TSHZ2: variants seen among roughly 807,000 people sequenced by gnomAD.
TSHZ2 encodes the protein teashirt zinc finger homeobox 2.
In TSHZ2, 21 loss-of-function variants were observed where a neutral mutation model predicts 74.4. That is an observed-to-expected ratio of 0.28 (90% CI 0.20 to 0.41). The LOEUF is 0.41. Among genes scored for constraint, TSHZ2 ranks in the 10% least tolerant of loss-of-function variants. TSHZ2 has a pLI of 1.00. For missense variants in TSHZ2, 1,244 were observed against 1,293.5 expected (o/e 0.96, Z 0.59); for synonymous variants, 540 against 515.3 (o/e 1.05, Z -0.65).
intron 2 of TSHZ2, among the ~76,000 whole-genome samples, chr20:53,382,884 C>A (rs960802030): frequency 6.6e-6 from 1 of 152,118 alleles, no homozygotes; most frequent in African/African-American, 2.4e-5. Context: ...TTGGCCAAGT[C>A]ACTGCTCCTC....
rs561103717 is a variant in TSHZ2 at position 53,170,568 on chromosome 20, G to A, written c.41-82931G>A. Reference sequence around the variant, plus strand: ...TGTCCTGGGCACTGTACACTGTTGAGCAGCATCCCCGGCCTCCACCCACTG... The same window carrying A: ...TGTCCTGGGCACTGTACACTGTTGAACAGCATCCCCGGCCTCCACCCACTG... On this transcript the variant is annotated intron_variant, in intron 1 of 2. Transcript: ENST00000371497. Among the ~76,000 whole-genome samples the A allele has an allele frequency of 3.9e-5, 6 of 152,280 alleles. No homozygotes were observed. In the South Asian group the frequency reaches 1.2e-3, roughly 32 times the overall value.
At chr20:53,274,941 T>A (rs1201045688) in intron 2 of TSHZ2, among the ~76,000 whole-genome samples, 7 of 152,158 alleles carry the variant, frequency 4.6e-5, no homozygotes, top group Admixed American at 2.0e-4. Context: ...CCCCAAGAAT[T>A]CCCATAAGCT....
intron 2 of TSHZ2, among the ~76,000 whole-genome samples, chr20:53,381,051 G>T (rs1030176304): frequency 6.6e-6 from 1 of 152,146 alleles, no homozygotes. Context: ...CTGTGATTTT[G>T]TGTGACTCAC....
intron 1 of TSHZ2, among the ~76,000 whole-genome samples, chr20:53,210,757 C>A (rs1474401880): frequency 1.3e-5 from 2 of 152,046 alleles, no homozygotes; most frequent in Non-Finnish European, 2.9e-5. Flanking sequence ...CCTCTTCTAT[C>A]CAGTATTTCC....
intron 1 of TSHZ2, among the ~76,000 whole-genome samples, chr20:53,189,801 G>A (rs1988683286): frequency 6.6e-6 from 1 of 151,834 alleles, no homozygotes; most frequent in Non-Finnish European, 1.5e-5. Flanking sequence ...TTAAATGTCT[G>A]GGCCAGACAC....
chr20:52,975,514 TGTGTGGGG>T (rs1314061264), intron 1 of TSHZ2, among the ~76,000 whole-genome samples: 1 of 141,466 alleles, frequency 7.1e-6, no homozygotes, highest in Non-Finnish European at 1.5e-5. Context: ...TGTGTGTGGG[TGTGTGGGG>T]GTGTGTGTGT....
intron 1 of TSHZ2, among the ~76,000 whole-genome samples, chr20:53,124,642 A>G (rs1986898124): frequency 6.6e-6 from 1 of 152,244 alleles, no homozygotes; most frequent in Non-Finnish European, 1.5e-5. Flanking sequence ...ATCATATAGC[A>G]ATAAAGATTT....
intron 2 of TSHZ2, among the ~76,000 whole-genome samples, chr20:53,258,319 T>C (rs1368197111): frequency 6.6e-6 from 1 of 152,118 alleles, no homozygotes; most frequent in Non-Finnish European, 1.5e-5. Context: ...TGCATAACAT[T>C]TTAAATCTTA....
chr20:53,066,212 C>T (rs1230740452), intron 1 of TSHZ2, among the ~76,000 whole-genome samples: 1 of 152,072 alleles, frequency 6.6e-6, no homozygotes, highest in Non-Finnish European at 1.5e-5. Flanking sequence ...GCTCTTGAAT[C>T]GCCAAACTCA....
chr20:53,226,880 G>A (rs1362960437), intron 1 of TSHZ2, among the ~76,000 whole-genome samples: 1 of 152,132 alleles, frequency 6.6e-6, no homozygotes, highest in African/African-American at 2.4e-5. Context: ...ATCCAGCGGT[G>A]TCTGAAAAGT....
chr20:53,181,760 C>T (rs766463920), intron 1 of TSHZ2, among the ~76,000 whole-genome samples: 13 of 152,006 alleles, frequency 8.6e-5, no homozygotes, highest in African/African-American at 1.5e-4. Flanking sequence ...TGGTGGTGGG[C>T]GCCTGTAGTC....
At chr20:53,062,665 C>T (rs1017240847) in intron 1 of TSHZ2, among the ~76,000 whole-genome samples, 7 of 152,178 alleles carry the variant, frequency 4.6e-5, no homozygotes, top group Admixed American at 4.6e-4. Flanking sequence ...CTGGTTTGAT[C>T]TTCTATCCAG....
rs141525728 is a variant in TSHZ2, at chr20:52,981,428, G to T, written c.40+8095G>T. 1.2e-3 allele frequency among the ~76,000 whole-genome samples: 184 copies of T among 152,338 alleles called. 2 individuals are homozygous for T. In the East Asian group the frequency reaches 0.031, roughly 26 times the overall value. On this transcript the variant is annotated intron_variant, in intron 1 of 2. Coordinates refer to ENST00000371497, the MANE Select transcript of TSHZ2 (RefSeq NM_173485.6). ...GGGGGCAATCATATGTTCCAGGTGT[G>T]TGGAAAGGATTGTGTCAGAGGAGGG... is the stretch of plus-strand genomic sequence containing the variant.
intron 1 of TSHZ2, among the ~76,000 whole-genome samples, chr20:53,219,168 C>T (rs1313556360): frequency 6.6e-6 from 1 of 152,216 alleles, no homozygotes; most frequent in Non-Finnish European, 1.5e-5. Flanking sequence ...TGGCCCAAGA[C>T]TTTCAGGTAA....
At chr20:53,196,939 TC>T (rs1006243874) in intron 1 of TSHZ2, among the ~76,000 whole-genome samples, 2 of 152,374 alleles carry the variant, frequency 1.3e-5, no homozygotes, top group African/African-American at 4.8e-5. Flanking sequence ...ATGTCCAATT[TC>T]CCCTGGGACT....
intron 1 of TSHZ2, among the ~76,000 whole-genome samples, chr20:53,126,037 G>T (rs1315797813): frequency 6.6e-6 from 1 of 152,164 alleles, no homozygotes; most frequent in Non-Finnish European, 1.5e-5. Flanking sequence ...TGTTTTAAAT[G>T]CACATTTATG....
chr20:53,320,661 GT>G (rs1979222661), intron 2 of TSHZ2, among the ~76,000 whole-genome samples: 1 of 152,162 alleles, frequency 6.6e-6, no homozygotes, highest in Admixed American at 6.5e-5. Flanking sequence ...GTGTTAGGGG[GT>G]GTTAAAAACA....
chr20:53,109,308 A>G (rs1037378065), intron 1 of TSHZ2, among the ~76,000 whole-genome samples: 4 of 152,192 alleles, frequency 2.6e-5, no homozygotes, highest in Non-Finnish European at 5.9e-5. Context: ...TAATAATTTC[A>G]TGGGAGGGTG....
At chr20:53,397,445 A>G (rs1405151885) in intron 2 of TSHZ2, among the ~76,000 whole-genome samples, 1 of 152,256 alleles carries the variant, frequency 6.6e-6, no homozygotes, top group Non-Finnish European at 1.5e-5. Flanking sequence ...CACACCAGTT[A>G]GAATGGTGAT....
Sources: allele counts gnomAD v4.1 joint callset (sites outside exome capture counted in the v4.1 genomes callset), GRCh38; gene constraint gnomAD v4.1.1; transcripts MANE v1.5; gene names NCBI Gene and HGNC (gene_info 2026-07-23, HGNC 2026-07-21).